LOXL2: variants seen among roughly 807,000 people sequenced by gnomAD.
LOXL2 encodes the protein lysyl oxidase homolog 2.
Under a neutral mutation model 93.0 loss-of-function variants are expected in LOXL2, and 70 were observed. That is an observed-to-expected ratio of 0.75 (90% CI 0.62 to 0.92). The LOEUF (loss-of-function observed/expected upper bound fraction) is 0.92. Ranked by LOEUF, LOXL2 falls within the 40% of genes least tolerant of loss-of-function variation. The probability of loss-of-function intolerance (pLI) is 0.00; values close to 1 mark genes in which losing one functional copy is unlikely to be tolerated. For synonymous variants in LOXL2, 438 were observed against 413.2 expected, an observed-to-expected ratio of 1.06 and a Z score of -0.73; for missense variants, 973 against 1,054.9, an observed-to-expected ratio of 0.92 and a Z score of 1.08.
intron 4 of LOXL2, among the ~76,000 whole-genome samples, chr8:23,335,570 A>G (rs866652502): frequency 1.3e-5 from 2 of 152,124 alleles, no homozygotes; most frequent in Non-Finnish European, 2.9e-5. Flanking sequence ...TGGGCCCTGA[A>G]TGATGGTGGG....
intron 3 of LOXL2, among the ~76,000 whole-genome samples, chr8:23,354,937 A>ATT: frequency 1.9e-5 from 1 of 53,154 alleles, no homozygotes; most frequent in African/African-American, 1.1e-4. Context: ...GTTGGAATAT[A>ATT]TATATATATA....
In LOXL2 at chr8:23,317,485, C is replaced by T. The variant is rs113579999; in HGVS notation, c.1471-371G>A. On this transcript the variant is annotated intron_variant, in intron 8 of 13. Transcript: ENST00000389131. ...CAATCACAGCACTCTCTCCTCTAAG[C>T]CCGAATAGGATCTCAGAATCCTTCT... Among the ~76,000 whole-genome samples the T allele has an allele frequency of 7.7e-3, 1,174 of 152,306 alleles. 18 individuals are homozygous for T. Among genetic ancestry groups the T allele is most frequent in the African/African-American group, 0.027 (1,122 of 41,554 alleles).
chr8:23,330,068 G>A (rs939640040), intron 5 of LOXL2, among the ~76,000 whole-genome samples: 1 of 152,334 alleles, frequency 6.6e-6, no homozygotes, highest in South Asian at 2.1e-4. Flanking sequence ...GCTCACGCCT[G>A]TAATCCCAGC....
Position 23,333,547 on chromosome 8 carries a change from T to G in LOXL2, c.820A>C (p.Ser274Arg), listed in dbSNP as rs376096328. 7.9e-5 allele frequency: 128 copies of G among 1,613,830 alleles called. No individual in the cohort carries two copies. Among genetic ancestry groups the G allele is most frequent in the Middle Eastern group, 1.6e-4 (1 of 6,084 alleles). ...GACACCTGGGGGCCCAGCTTGCAGC[T>G]GGAGATGTGGGCCTCTGTGCCGGTG... The part of the protein sequence containing the change: ...DCTGTEAHIS[S>R]CKLGPQVSLD... The change falls in exon 5 of 14, where the codon AGC becomes CGC. Residue 274 changes from serine to arginine, a missense_variant. Physicochemically the swap from Ser to Arg is moderately radical, Grantham distance 110. Transcript: ENST00000389131.
At chr8:23,391,722 G>A (rs1469250287) in intron 1 of LOXL2, among the ~76,000 whole-genome samples, 1 of 152,182 alleles carries the variant, frequency 6.6e-6, no homozygotes, top group Non-Finnish European at 1.5e-5. Flanking sequence ...GCAAGTCCAG[G>A]GATTATAGGG....
intron 1 of LOXL2, among the ~76,000 whole-genome samples, chr8:23,397,817 T>C (rs1457687637): frequency 6.7e-6 from 1 of 149,466 alleles, no homozygotes; most frequent in Non-Finnish European, 1.5e-5. Flanking sequence ...TGCTTTTCCG[T>C]GGGCATAGTG....
chr8:23,308,992 T>A (rs13276524), intron 10 of LOXL2, among the ~76,000 whole-genome samples: 10,297 of 144,436 alleles, frequency 0.071, 369 homozygotes, highest in Middle Eastern at 0.11. Context: ...ATATATATAT[T>A]TTTTTTTTTT....
At chr8:23,398,646 C>T (rs999326497) in intron 1 of LOXL2, among the ~76,000 whole-genome samples, 8 of 152,056 alleles carry the variant, frequency 5.3e-5, no homozygotes, top group African/African-American at 1.9e-4. Flanking sequence ...CTACACAGTC[C>T]CCAGCATCCT....
At chr8:23,403,019 G>A (rs1191573682) in intron 1 of LOXL2, among the ~76,000 whole-genome samples, 1 of 152,016 alleles carries the variant, frequency 6.6e-6, no homozygotes, top group African/African-American at 2.4e-5. Context: ...GCTCGGGCAC[G>A]GAGAGGAGGG....
chr8:23,399,402 TAAG>T (rs1385632431), intron 1 of LOXL2, among the ~76,000 whole-genome samples: 1 of 152,204 alleles, frequency 6.6e-6, no homozygotes, highest in Non-Finnish European at 1.5e-5. Context: ...GTGGGGCCTT[TAAG>T]AAGTGGTTGA....
intron 1 of LOXL2, among the ~76,000 whole-genome samples, chr8:23,394,756 A>AC (rs1486603349): frequency 2.2e-5 from 3 of 137,568 alleles, no homozygotes; most frequent in Non-Finnish European, 3.2e-5. Flanking sequence ...CTAAGTATAT[A>AC]CCCCCCCAAA....
chr8:23,354,614 A>C (rs940691044), intron 3 of LOXL2, among the ~76,000 whole-genome samples: 1 of 144,214 alleles, frequency 6.9e-6, no homozygotes, highest in African/African-American at 2.7e-5. Context: ...GTGTTCTCAC[A>C]CACATGTGAT....
chr8:23,332,828 CCA>C (rs148114628), intron 5 of LOXL2, among the ~76,000 whole-genome samples: 101 of 105,344 alleles, frequency 9.6e-4, no homozygotes, highest in Non-Finnish European at 1.5e-3. Context: ...TCATACACAC[CCA>C]CACACTCACC....
At chr8:23,394,234 G>T (rs1291276686) in intron 1 of LOXL2, among the ~76,000 whole-genome samples, 1 of 151,684 alleles carries the variant, frequency 6.6e-6, no homozygotes, top group Non-Finnish European at 1.5e-5. Flanking sequence ...CTCTACTAAA[G>T]ATACAAAAAT....
intron 1 of LOXL2, among the ~76,000 whole-genome samples, chr8:23,371,476 G>C (rs1365311907): frequency 6.6e-6 from 1 of 152,086 alleles, no homozygotes; most frequent in East Asian, 1.9e-4. Flanking sequence ...CAACTGGCTG[G>C]GTGCAGTGGC....
chr8:23,322,064 A>C, intron 7 of LOXL2, 66 bp downstream of exon 7: 9 of 1,558,392 alleles, frequency 5.8e-6, no homozygotes, highest in Non-Finnish European at 7.0e-6. Flanking sequence ...GGTTCACCCC[A>C]GAGCTCTGTG....
chr8:23,356,553 A>T (rs1804202784), intron 3 of LOXL2, among the ~76,000 whole-genome samples: 1 of 152,194 alleles, frequency 6.6e-6, no homozygotes, highest in Non-Finnish European at 1.5e-5. Context: ...CAACTCAAGG[A>T]GGTTCTCCCC....
chr8:23,371,074 T>G (rs1192540243), intron 1 of LOXL2: 1 of 152,164 alleles, frequency 6.6e-6, no homozygotes, highest in Non-Finnish European at 1.5e-5. Flanking sequence ...GGAGCTGAGT[T>G]ACCTTAGAAA....
At chr8:23,350,558 G>A (rs754268308) in intron 3 of LOXL2, among the ~76,000 whole-genome samples, 2 of 152,176 alleles carry the variant, frequency 1.3e-5, no homozygotes, top group Non-Finnish European at 2.9e-5. Flanking sequence ...CAACAAGAGC[G>A]AAACTCCATC....
Sources: allele counts gnomAD v4.1 joint callset (sites outside exome capture counted in the v4.1 genomes callset), GRCh38; gene constraint gnomAD v4.1.1; transcripts MANE v1.5; gene names NCBI Gene and HGNC (gene_info 2026-07-23, HGNC 2026-07-21).